Variants in TMEM114 observed in about 807,000 individuals in gnomAD.
TMEM114 encodes claudin-26.
Under a neutral mutation model 6.2 loss-of-function variants are expected in TMEM114, and 6 were observed. The ratio of observed to expected loss-of-function variants is 0.97; its 90% CI spans 0.53 to 1.91. The LOEUF (loss-of-function observed/expected upper bound fraction) is 1.91, where lower values mean the gene tolerates loss of function less well. Ranked by LOEUF, TMEM114 falls within the 40% of genes most tolerant of loss-of-function variation. The probability of loss-of-function intolerance (pLI) is 0.01; values close to 1 mark genes in which losing one functional copy is unlikely to be tolerated. For missense variants in TMEM114, 218 were observed against 158.3 expected, an observed-to-expected ratio of 1.38 and a Z score of -2.02; for synonymous variants, 104 against 73.0, an observed-to-expected ratio of 1.42 and a Z score of -2.16.
chr16:8,557,024 T>G (rs778530072), intron 2 of TMEM114, among the ~76,000 whole-genome samples: 93 of 152,164 alleles, frequency 6.1e-4, no homozygotes, highest in African/African-American at 2.2e-3. Flanking sequence ...ATGGAAGAAA[T>G]AATGAATCGG....
intron 2 of TMEM114, among the ~76,000 whole-genome samples, chr16:8,573,757 C>G (rs1197837840): frequency 6.6e-6 from 1 of 152,196 alleles, no homozygotes; most frequent in African/African-American, 2.4e-5. Flanking sequence ...GCATTCACCA[C>G]TGTCCACCCA....
chr16:8,558,073 G>A (rs912133936), intron 2 of TMEM114, among the ~76,000 whole-genome samples: 2 of 152,030 alleles, frequency 1.3e-5, no homozygotes, highest in African/African-American at 4.8e-5. Flanking sequence ...GACCAACATG[G>A]TGAAACCCCA....
chr16:8,540,516 C>G (rs1900486141), intron 2 of TMEM114, among the ~76,000 whole-genome samples: 1 of 152,174 alleles, frequency 6.6e-6, no homozygotes, highest in Non-Finnish European at 1.5e-5. Context: ...GCTATTATTA[C>G]TGTTATAATA....
intron 3 of TMEM114, among the ~76,000 whole-genome samples, chr16:8,570,291 A>G (rs1408395622): frequency 1.3e-5 from 2 of 151,400 alleles, no homozygotes; most frequent in African/African-American, 4.9e-5. Flanking sequence ...ATCACTGCCC[A>G]GGTCACAATT....
At chr16:8,561,100 C>T (rs1005126543) in intron 2 of TMEM114, among the ~76,000 whole-genome samples, 12 of 152,178 alleles carry the variant, frequency 7.9e-5, no homozygotes, top group African/African-American at 2.9e-4. Flanking sequence ...GATTATCTCG[C>T]ACAGGGTCCC....
downstream of TMEM114, among the ~76,000 whole-genome samples, chr16:8,535,338 T>A (rs1193530012): frequency 6.6e-6 from 1 of 152,156 alleles, no homozygotes; most frequent in Non-Finnish European, 1.5e-5. Flanking sequence ...AGATAGCAGA[T>A]AAATCAGAAA....
the TMEM114 span, among the ~76,000 whole-genome samples, chr16:8,527,518 A>G: frequency 7.5e-4 from 112 of 149,252 alleles, no homozygotes; most frequent in African/African-American, 2.7e-3. Flanking sequence ...GTAACACCCA[A>G]GCAAGATTTC....
intron 2 of TMEM114, among the ~76,000 whole-genome samples, chr16:8,561,521 C>G (rs1009099723): frequency 5.9e-5 from 9 of 152,212 alleles, no homozygotes; most frequent in Non-Finnish European, 7.3e-5. Flanking sequence ...CTTTTGTTCA[C>G]TGCTAAATCC....
At chr16:8,541,510 C>G (rs555709258) in intron 2 of TMEM114, among the ~76,000 whole-genome samples, 11 of 152,204 alleles carry the variant, frequency 7.2e-5, no homozygotes, top group Non-Finnish European at 1.6e-4. Flanking sequence ...GGGGAAAGAT[C>G]TCAGTGTAAC....
downstream of TMEM114, among the ~76,000 whole-genome samples, chr16:8,564,509 A>G (rs200433660): frequency 6.1e-3 from 64 of 10,510 alleles, no homozygotes; most frequent in East Asian, 8.0e-3. Flanking sequence ...GAGTGAGTAA[A>G]TGAGTGAGTG....
intron 2 of TMEM114, among the ~76,000 whole-genome samples, chr16:8,549,199 A>C (rs1372491127): frequency 5.3e-5 from 8 of 150,226 alleles, no homozygotes; most frequent in Non-Finnish European, 1.0e-4. Context: ...AAAAAAAAAA[A>C]AAAGAATGCA....
At chr16:8,564,557 G>GTGAT (rs1235801258), downstream of TMEM114, among the ~76,000 whole-genome samples, 13 of 138,288 alleles carry the variant, frequency 9.4e-5, no homozygotes, top group African/African-American at 3.4e-4. Context: ...CAGGGAATGA[G>GTGAT]TGAGTGAGTG....
chr16:8,536,220 G>A (rs1596463205), downstream of TMEM114, among the ~76,000 whole-genome samples: 1 of 140,584 alleles, frequency 7.1e-6, no homozygotes, highest in Non-Finnish European at 1.5e-5. Context: ...GCGAAACTCT[G>A]TCTCAAAAAA....
At chr16:8,528,041 T>G in the TMEM114 span, among the ~76,000 whole-genome samples, 7 of 152,124 alleles carry the variant, frequency 4.6e-5, no homozygotes, top group African/African-American at 1.7e-4. Flanking sequence ...CCTGCGTAGC[T>G]GGGATCACAG....
downstream of TMEM114, among the ~76,000 whole-genome samples, chr16:8,533,790 C>G (rs763479764): frequency 2.0e-5 from 3 of 152,214 alleles, no homozygotes; most frequent in Non-Finnish European, 1.5e-5. Flanking sequence ...AATCACACAT[C>G]TCTTTCAGCA....
chr16:8,529,063 T>C, the TMEM114 span, among the ~76,000 whole-genome samples: 1 of 152,206 alleles, frequency 6.6e-6, no homozygotes, highest in African/African-American at 2.4e-5. Context: ...AAGAGGGCTT[T>C]AGAGAATCGT....
the TMEM114 span, among the ~76,000 whole-genome samples, chr16:8,528,501 G>T: frequency 6.6e-6 from 1 of 152,138 alleles, no homozygotes; most frequent in African/African-American, 2.4e-5. Flanking sequence ...CCAAGGGGGA[G>T]CATCTCCTGG....
At chr16:8,552,905 T>G (rs1282224784) in intron 2 of TMEM114, among the ~76,000 whole-genome samples, 1 of 152,182 alleles carries the variant, frequency 6.6e-6, no homozygotes, top group Non-Finnish European at 1.5e-5. Flanking sequence ...TGAAGTCGTC[T>G]TTGATCACTC....
intron 2 of TMEM114, among the ~76,000 whole-genome samples, chr16:8,562,662 G>GA (rs1596478691): frequency 2.6e-5 from 4 of 151,470 alleles, no homozygotes; most frequent in East Asian, 3.9e-4. Context: ...ATGAGTCAAT[G>GA]AATTAGTGAG....
Sources: gnomAD v4.1 joint callset for allele counts (sites outside exome capture counted in the v4.1 genomes callset) on GRCh38, gnomAD v4.1.1 for gene constraint, MANE v1.5 for transcripts, NCBI Gene and HGNC (gene_info 2026-07-23, HGNC 2026-07-21) for gene names.